CECR2: variants seen among roughly 807,000 people sequenced by gnomAD.
CECR2 encodes the protein chromatin remodeling regulator CECR2.
CECR2 carries 30 observed loss-of-function variants against 154.5 expected under a neutral mutation model. The observed-to-expected ratio is 0.19, with a 90% confidence interval of 0.15 to 0.26. The LOEUF is 0.26. CECR2 is among the 10% of genes least tolerant of loss of function. CECR2 has a pLI of 1.00. For synonymous variants in CECR2, 725 were observed against 683.7 expected (o/e 1.06, Z -0.94); for missense variants, 1,743 against 1,829.3 (o/e 0.95, Z 0.86).
At chr22:17,463,009 A>G (rs1170107671) in intron 1 of CECR2, among the ~76,000 whole-genome samples, 1 of 152,228 alleles carries the variant, frequency 6.6e-6, no homozygotes, top group Non-Finnish European at 1.5e-5. Context: ...TTTGCTTAAT[A>G]ATGGTGGAAG....
At chr22:17,414,718 A>G (rs551859413) in intron 1 of CECR2, among the ~76,000 whole-genome samples, 15 of 149,784 alleles carry the variant, frequency 1.0e-4, no homozygotes, top group African/African-American at 4.9e-5. Flanking sequence ...CCTGTGTCCA[A>G]GTGTTCTCAT....
chr22:17,435,036 C>T lies in CECR2; in HGVS notation c.127-42552C>T, dbSNP rs558137876. Among the ~76,000 whole-genome samples the T allele has an allele frequency of 2.0e-5, 3 of 152,120 alleles. No homozygotes were observed. The South Asian group carries it at 6.2e-4, about 32-fold the overall frequency. On this transcript the variant is annotated intron_variant, in intron 1 of 18. Transcript: ENST00000262608. Reference sequence around the variant, plus strand: ...GGTAACTTAATGGAGGGGATGGGGCCGGATGTGCAGTTAATGAGTTGGAGG... The same window carrying T: ...GGTAACTTAATGGAGGGGATGGGGCTGGATGTGCAGTTAATGAGTTGGAGG...
chr22:17,384,079 A>G (rs1168067762), intron 1 of CECR2, among the ~76,000 whole-genome samples: 4 of 152,146 alleles, frequency 2.6e-5, no homozygotes, highest in African/African-American at 9.7e-5. Context: ...GGTTGGAATC[A>G]GCTTCTTCCA....
rs568161184 is a variant in CECR2 at position 17,408,897 on chromosome 22, G to A, written c.126+38988G>A. On this transcript the variant is annotated intron_variant, in intron 1 of 18. Transcript: ENST00000262608. ...CTTACCATTGCTTAGTGGGGCCCAC[G>A]AAACTTTCTGCATCTTCTACCTTCC... Among the ~76,000 whole-genome samples the A allele has an allele frequency of 3.9e-5, 6 of 152,220 alleles. No homozygotes were observed. The East Asian group carries it at 7.7e-4, about 20-fold the overall frequency.
At chr22:17,531,275 C>T (rs2056351076) in intron 9 of CECR2, among the ~76,000 whole-genome samples, 1 of 152,198 alleles carries the variant, frequency 6.6e-6, no homozygotes, top group Non-Finnish European at 1.5e-5. Context: ...TGGGGGGCTG[C>T]AGCCCCACTG....
chr22:17,536,262 A>AAAAAG (rs869053005), intron 9 of CECR2, among the ~76,000 whole-genome samples: 1 of 152,154 alleles, frequency 6.6e-6, no homozygotes, highest in African/African-American at 2.4e-5. Context: ...AATAAAAATA[A>AAAAAG]AAAAGAAAAG....
intron 1 of CECR2, among the ~76,000 whole-genome samples, chr22:17,445,373 A>G (rs1042122822): frequency 6.6e-6 from 1 of 152,054 alleles, no homozygotes; most frequent in African/African-American, 2.4e-5. Context: ...TGGATGCCAT[A>G]ACAGTTTAAT....
chr22:17,378,093 C>G (rs949829468), intron 1 of CECR2, among the ~76,000 whole-genome samples: 1 of 151,360 alleles, frequency 6.6e-6, no homozygotes, highest in Non-Finnish European at 1.5e-5. Context: ...ACGCCATTCT[C>G]CTGCCTCAGC....
At position 17,481,048 on chromosome 22, in the gene CECR2, T is replaced by TAAAAAAAAAAAAAAA. The variant is rs1569109739; in HGVS notation, c.221+3366_221+3367insAAAAAAAAAAAAAAA. On this transcript the variant is annotated intron_variant, in intron 2 of 18. Transcript: ENST00000262608. Reference sequence around the variant, plus strand: ...GAGTGAGACTCCATCTCTTTTTTTTTTAAAAAAAAAAAAGGCCGGGCACGG... The same window carrying TAAAAAAAAAAAAAAA: ...GAGTGAGACTCCATCTCTTTTTTTTTAAAAAAAAAAAAAAATAAAAAAAAAAAAGGCCGGGCACGG... Among the ~76,000 whole-genome samples the TAAAAAAAAAAAAAAA allele has an allele frequency of 6.1e-4, 45 of 73,250 alleles. 1 individual carries two copies. Among genetic ancestry groups the TAAAAAAAAAAAAAAA allele is most frequent in the African/African-American group, 1.9e-3 (44 of 23,620 alleles). The allele number at this position is 73,250 out of a possible 152,430, so 48.1% of individuals were successfully genotyped here.
intron 9 of CECR2, among the ~76,000 whole-genome samples, chr22:17,532,700 C>CTT (rs695634): frequency 0.014 from 490 of 35,770 alleles, 131 homozygotes; most frequent in Non-Finnish European, 0.016. Flanking sequence ...CATTATTATT[C>CTT]TTTTTTTTTT....
intron 6 of CECR2, 128 bp downstream of exon 6, chr22:17,503,259 A>G (rs2055772656): frequency 1.3e-6 from 1 of 757,056 alleles, no homozygotes; most frequent in African/African-American, 1.8e-5. Context: ...TACCCCCTGT[A>G]CTCTTCTTCA....
intron 8 of CECR2, among the ~76,000 whole-genome samples, chr22:17,522,275 A>G (rs1398666052): frequency 6.6e-6 from 1 of 152,168 alleles, no homozygotes; most frequent in African/African-American, 2.4e-5. Flanking sequence ...GTTTTGTTTT[A>G]CTTTGCTTTG....
chr22:17,467,309 G>A (rs971562579), intron 1 of CECR2, among the ~76,000 whole-genome samples: 4 of 152,164 alleles, frequency 2.6e-5, no homozygotes, highest in African/African-American at 7.2e-5. Context: ...ATCGGAACAC[G>A]TGTGAGATCT....
chr22:17,506,647 TTTTGTTTG>T (rs757481198), intron 7 of CECR2, among the ~76,000 whole-genome samples: 4 of 152,100 alleles, frequency 2.6e-5, no homozygotes, highest in African/African-American at 4.8e-5. Flanking sequence ...TTTCATGTTT[TTTTGTTTG>T]TTTGTTTGTT....
chr22:17,382,098 G>A (rs543240255), intron 1 of CECR2, among the ~76,000 whole-genome samples: 32 of 151,400 alleles, frequency 2.1e-4, no homozygotes, highest in African/African-American at 7.3e-4. Flanking sequence ...CGCCGTGTTA[G>A]CCAGGATGGT....
At position 17,411,677 on chromosome 22, in the gene CECR2, C is replaced by A. The variant is rs571698695; in HGVS notation, c.126+41768C>A. Among the ~76,000 whole-genome samples the A allele has an allele frequency of 2.3e-4, 35 of 152,214 alleles. 1 individual carries two copies. The South Asian group carries it at 6.0e-3, about 26-fold the overall frequency. On this transcript the variant is annotated intron_variant, in intron 1 of 18. Coordinates refer to ENST00000262608, the MANE Select transcript of CECR2 (RefSeq NM_001290047.2). ...TTGTTTTTGTTTTTTATTAAAATAT[C>A]TTACATAAATCTCAGAATTTAAAAC...
chr22:17,409,026 G>C (rs2054028244), intron 1 of CECR2, among the ~76,000 whole-genome samples: 1 of 152,194 alleles, frequency 6.6e-6, no homozygotes. Flanking sequence ...ATGGTTTCCA[G>C]CTTTCAGCTC....
intron 1 of CECR2, among the ~76,000 whole-genome samples, chr22:17,416,098 A>AG (rs1222500165): frequency 1.3e-5 from 2 of 152,164 alleles, no homozygotes; most frequent in Non-Finnish European, 2.9e-5. Flanking sequence ...ATGTGAAGGG[A>AG]GTTGGGTGCC....
Position 17,446,567 on chromosome 22 carries a change from A to G in CECR2, c.127-31021A>G, listed in dbSNP as rs555223642. 5.4e-3 allele frequency among the ~76,000 whole-genome samples: 825 copies of G among 151,782 alleles called. 3 individuals carry two copies. The highest frequency in any genetic ancestry group is 0.037 in the Middle Eastern group (11 of 294). ...CCCGTCTCTACTAAAAATACAAAAA[A>G]TTAGCCGGGTGTGGTGGCGGGCGCC... On this transcript the variant is annotated intron_variant, in intron 1 of 18. Coordinates refer to ENST00000262608, the MANE Select transcript of CECR2 (RefSeq NM_001290047.2).
Sources: gnomAD v4.1 joint callset for allele counts (sites outside exome capture counted in the v4.1 genomes callset) on GRCh38, gnomAD v4.1.1 for gene constraint, MANE v1.5 for transcripts, NCBI Gene and HGNC (gene_info 2026-07-23, HGNC 2026-07-21) for gene names.